The following SEC61G variants were observed in gnomAD, a reference collection of about 807,000 sequenced individuals.
The protein encoded by SEC61G is protein transport protein Sec61 subunit gamma.
A neutral mutation model predicts 7.5 loss-of-function variants in SEC61G; 4 were observed. The observed-to-expected ratio is 0.54, with a 90% CI of 0.26 to 1.22. The LOEUF is 1.22. Ranked by LOEUF, SEC61G falls within the 50% of genes most tolerant of loss-of-function variation. The pLI, the probability that SEC61G is intolerant of heterozygous loss-of-function variation, is 0.12. For synonymous variants in SEC61G, 24 were observed against 24.4 expected (o/e 0.98, Z 0.05); for missense variants, 53 against 84.6 (o/e 0.63, Z 1.46).
At chr7:54,756,745 T>C (rs1011923252) in intron 2 of SEC61G, among the ~76,000 whole-genome samples, 3 of 152,066 alleles carry the variant, frequency 2.0e-5, no homozygotes, top group African/African-American at 7.2e-5. Flanking sequence ...CTGACTTGGT[T>C]AGTCCTCCTA....
At chr7:54,757,695 G>T in intron 1 of SEC61G, 101 bp from the exon 2 acceptor site, 1 of 836,764 alleles carries the variant, frequency 1.2e-6, no homozygotes, top group Non-Finnish European at 1.9e-6. Flanking sequence ...CTGAATTCAC[G>T]TCTAACATGG....
intron 1 of SEC61G, among the ~76,000 whole-genome samples, chr7:54,758,513 G>A (rs373076194): frequency 6.6e-6 from 1 of 152,142 alleles, no homozygotes; most frequent in East Asian, 1.9e-4. Flanking sequence ...TGAAACACCA[G>A]GAATTCTGCA....
At chr7:54,757,681 G>GCCACTGA in intron 1 of SEC61G, 87 bp from the exon 2 acceptor site, 1 of 1,035,376 alleles carries the variant, frequency 9.7e-7, no homozygotes. Context: ...AATGAGACCA[G>GCCACTGA]CCACTGAATT....
chr7:54,758,538 A>C (rs897828290), intron 1 of SEC61G, among the ~76,000 whole-genome samples: 1 of 152,224 alleles, frequency 6.6e-6, no homozygotes, highest in Non-Finnish European at 1.5e-5. Flanking sequence ...TCTGGGGGCA[A>C]AAACACAGTA....
intron 3 of SEC61G, among the ~76,000 whole-genome samples, chr7:54,753,325 C>T (rs1791449207): frequency 6.6e-6 from 1 of 151,914 alleles, no homozygotes; most frequent in Non-Finnish European, 1.5e-5. Context: ...ATAAAATACC[C>T]CTGAGCATAT....
In SEC61G at chr7:54,752,327, G is replaced by T. The variant is rs1791429951; in HGVS notation, c.*84C>A. ...AAAAAAAAAACCCACAAAACATACA[G>T]GCAAATTTGTATTCTGTGAGTTTCT... On this transcript the variant is annotated 3_prime_UTR_variant, in exon 4 of 4. Coordinates refer to ENST00000352861, the MANE Select transcript of SEC61G (RefSeq NM_014302.4). 2.2e-6 allele frequency: 2 copies of T among 896,932 alleles called. No homozygotes were observed. Among genetic ancestry groups the T allele is most frequent in the Non-Finnish European group, 3.3e-6 (2 of 599,366 alleles). The allele number at this position is 896,932 out of a possible 1,614,324, so 55.6% of individuals were successfully genotyped here. A position where few individuals can be genotyped will look rare whatever the true frequency, so the allele number is the denominator to read the frequency against.
rs757408185 is a variant in SEC61G at position 54,757,523 on chromosome 7, A to C, written c.66T>G (p.Val22=). Residue 22 remains valine, a synonymous_variant, in exon 2 of 4, where the codon GTT becomes GTG. Transcript: ENST00000352861. ...TTCTATCAGGTTTAGTGCATCTTTT[A>C]ACCAGCCGAATGGAGTCCTTTACAA... ...RQFVKDSIRL[V]KRCTKPDRKE... 6.2e-7 allele frequency: 1 copy of C among 1,613,966 alleles called. No individual in the cohort carries two copies. Among genetic ancestry groups the C allele is most frequent in the Non-Finnish European group, 8.5e-7 (1 of 1,179,952 alleles).
At position 54,752,423 on chromosome 7, in the gene SEC61G, G is replaced by A; in HGVS notation, c.198-3C>T. 1 of 1,510,700 alleles carries A rather than the reference G, an allele frequency of 6.6e-7. No individual in the cohort carries two copies. Among genetic ancestry groups the A allele is most frequent in the Non-Finnish European group, 9.0e-7 (1 of 1,108,920 alleles). The allele number at this position is 1,510,700 out of a possible 1,614,324, so 93.6% of individuals were successfully genotyped here. On this transcript the variant is annotated splice_region_variant and splice_polypyrimidine_tract_variant and intron_variant, in intron 3 of 3. Transcript: ENST00000352861. The stretch of plus-strand genomic sequence containing the variant: ...TTCCAAAATGTATTCAGCCACCACT[G>A]TAAAAGAAAGAAAAATTATTACTTC...
chr7:54,757,156 A>G (rs1270602088), intron 2 of SEC61G, among the ~76,000 whole-genome samples: 2 of 152,018 alleles, frequency 1.3e-5, no homozygotes, highest in Non-Finnish European at 2.9e-5. Context: ...GTTTCATGTT[A>G]AGGTTTTGTT....
At chr7:54,757,426 G>T in intron 2 of SEC61G, 69 bp downstream of exon 2, 1 of 1,218,250 alleles carries the variant, frequency 8.2e-7, no homozygotes, top group Non-Finnish European at 1.2e-6. Context: ...TATTAATCAA[G>T]ATGTTAATCA....
chr7:54,755,925 C>T lies in SEC61G; in HGVS notation c.95-44G>A, dbSNP rs372274592. On this transcript the variant is annotated intron_variant, in intron 2 of 3. Transcript: ENST00000352861. Reference sequence around the variant, plus strand: ...AATTCACATATTTTTTGCACTGTCACTGAAAGTATGGGAAAAAAACTATCA... The same window carrying T: ...AATTCACATATTTTTTGCACTGTCATTGAAAGTATGGGAAAAAAACTATCA... The T allele has an allele frequency of 4.9e-6, 6 of 1,213,040 alleles. No individual in the cohort carries two copies. In the African/African-American group the frequency reaches 7.6e-5, roughly 15 times the overall value. 75.1% of individuals were successfully genotyped at this position (1,213,040 alleles called of 1,614,324 possible).
intron 1 of SEC61G, among the ~76,000 whole-genome samples, chr7:54,758,015 T>C (rs1365983123): frequency 1.3e-5 from 2 of 152,216 alleles, no homozygotes; most frequent in African/African-American, 2.4e-5. Flanking sequence ...TTACTTTCCA[T>C]ATTTTATTTT....
chr7:54,752,504 C>T (rs1324467422), intron 3 of SEC61G, 84 bp from the exon 4 acceptor site: 2 of 826,194 alleles, frequency 2.4e-6, no homozygotes, highest in Non-Finnish European at 3.7e-6. Context: ...TATGCTATAA[C>T]TTTAACGGCT....
intron 1 of SEC61G, chr7:54,758,895 G>A (rs547754927): frequency 3.6e-6 from 1 of 274,130 alleles, no homozygotes; most frequent in African/African-American, 2.4e-5. Flanking sequence ...AAGACGCCGG[G>A]GCAGGACGCT....
chr7:54,755,187 T>G (rs892145546), intron 3 of SEC61G: 5 of 152,236 alleles, frequency 3.3e-5, no homozygotes, highest in African/African-American at 1.2e-4. Context: ...AGTTATGATA[T>G]TCTCCTATCA....
At position 54,752,310 on chromosome 7, in the gene SEC61G, A is replaced by T; in HGVS notation, c.*101T>A. ...AAAACATCTTGAAAGGAAAAAAAAAAACCCACAAAACATACAGGCAAATTT... is the reference window on the plus strand; with the variant it reads ...AAAACATCTTGAAAGGAAAAAAAAATACCCACAAAACATACAGGCAAATTT... On this transcript the variant is annotated 3_prime_UTR_variant, in exon 4 of 4. Coordinates refer to ENST00000352861, the MANE Select transcript of SEC61G (RefSeq NM_014302.4). 1.4e-6 allele frequency: 1 copy of T among 720,358 alleles called. No individual in the cohort carries two copies. Among genetic ancestry groups the T allele is most frequent in the Non-Finnish European group, 2.2e-6 (1 of 445,534 alleles). 44.6% of individuals were successfully genotyped at this position (720,358 alleles called of 1,614,324 possible).
At chr7:54,756,923 CTATATTA>C (rs1791526261) in intron 2 of SEC61G, among the ~76,000 whole-genome samples, 1 of 147,978 alleles carries the variant, frequency 6.8e-6, no homozygotes, top group South Asian at 2.1e-4. Context: ...ATGTTATATA[CTATATTA>C]TATACTATAT....
chr7:54,753,305 A>C (rs931079825), intron 3 of SEC61G, among the ~76,000 whole-genome samples: 2 of 152,118 alleles, frequency 1.3e-5, no homozygotes, highest in African/African-American at 2.4e-5. Context: ...AAAAAAGAGA[A>C]AATTATTATA....
chr7:54,759,070 C>A lies in SEC61G; in HGVS notation c.-7+88G>T, dbSNP rs570274295. The stretch of plus-strand genomic sequence containing the variant: ...CCCGCGACGGCCGCCCGGGGAGACA[C>A]GCCGGCTCGCCCACGCCCGCTGCCC... On this transcript the variant is annotated intron_variant, in intron 1 of 3. Coordinates refer to ENST00000352861, the MANE Select transcript of SEC61G (RefSeq NM_014302.4). The A allele has an allele frequency of 1.9e-5, 8 of 431,478 alleles. 1 individual carries two copies. The highest frequency in any genetic ancestry group is 9.7e-5 in the South Asian group (6 of 62,070). 26.7% of individuals were successfully genotyped at this position (431,478 alleles called of 1,614,324 possible). A position where few individuals can be genotyped will look rare whatever the true frequency, so the allele number is the denominator to read the frequency against.
Sources: gnomAD v4.1 joint callset for allele counts (sites outside exome capture counted in the v4.1 genomes callset) on GRCh38, gnomAD v4.1.1 for gene constraint, MANE v1.5 for transcripts, NCBI Gene and HGNC (gene_info 2026-07-23, HGNC 2026-07-21) for gene names.